GSTA2: variants seen among roughly 807,000 people sequenced by gnomAD.
GSTA2 encodes the protein glutathione S-transferase alpha 2, also known as glutathione S-transferase A2.
GSTA2 carries 27 observed loss-of-function variants against 22.4 expected under a neutral mutation model. The ratio of observed to expected loss-of-function variants is 1.21; its 90% CI spans 0.89 to 1.67. GSTA2 has a LOEUF of 1.67. Ranked by LOEUF, GSTA2 falls within the 40% of genes most tolerant of loss-of-function variation. GSTA2 has a pLI of 0.00. For synonymous variants in GSTA2, 121 were observed against 86.8 expected (o/e 1.39, Z -2.19); for missense variants, 302 against 260.2 (o/e 1.16, Z -1.11).
chr6:52,755,216 T>TC, intron 3 of GSTA2, 141 bp from the exon 4 acceptor site: 1 of 266,686 alleles, frequency 3.7e-6, no homozygotes, highest in Non-Finnish European at 5.0e-6. Flanking sequence ...TTGAAACAAC[T>TC]TTTTTTTTTT....
intron 1 of GSTA2, among the ~76,000 whole-genome samples, chr6:52,761,451 T>C (rs1488965524): frequency 3.3e-5 from 5 of 151,276 alleles, no homozygotes; most frequent in African/African-American, 9.7e-5. Context: ...TCCATTTCTC[T>C]GGTTCTCTAT....
In GSTA2 at chr6:52,750,561, C is replaced by T; in HGVS notation, c.*16G>A. 1 of 1,613,312 alleles carries T rather than the reference C, an allele frequency of 6.2e-7. No homozygotes were observed. The highest frequency in any genetic ancestry group is 8.5e-7 in the Non-Finnish European group (1 of 1,179,510). On this transcript the variant is annotated 3_prime_UTR_variant, in exon 7 of 7. Coordinates refer to ENST00000493422, the MANE Select transcript of GSTA2 (RefSeq NM_000846.5). ...AATACTGGTCTTGCATGTTCTTGACCTCTATGGCTGGTTTATTAAAACCTG... is the reference window on the plus strand; with the variant it reads ...AATACTGGTCTTGCATGTTCTTGACTTCTATGGCTGGTTTATTAAAACCTG...
chr6:52,757,003 T>C (rs2144697), intron 2 of GSTA2, among the ~76,000 whole-genome samples: 66,570 of 137,062 alleles, frequency 0.49, 18,806 homozygotes, highest in East Asian at 0.7. Context: ...CTCCCCTCAT[T>C]TTAACCACGT....
chr6:52,754,755 G>A (rs1251769992), intron 4 of GSTA2, among the ~76,000 whole-genome samples, 188 bp downstream of exon 4: 1 of 152,004 alleles, frequency 6.6e-6, no homozygotes. Flanking sequence ...AATCACCCTC[G>A]CCTGAACCCT....
intron 2 of GSTA2, among the ~76,000 whole-genome samples, chr6:52,757,552 A>T (rs1325408861): frequency 6.6e-6 from 1 of 152,100 alleles, no homozygotes; most frequent in Non-Finnish European, 1.5e-5. Context: ...CAAATATTCA[A>T]TCGATATTTG....
At position 52,750,622 on chromosome 6, in the gene GSTA2, C is replaced by CA. The variant is rs1215783807; in HGVS notation, c.623dup (p.Met208IlefsTer3). 5 of 1,613,718 alleles carry CA rather than the reference C, an allele frequency of 3.1e-6. No homozygotes were observed. In the East Asian group the frequency reaches 8.9e-5, roughly 29 times the overall value. On this transcript the variant is annotated frameshift_variant, in exon 7 of 7. Coordinates refer to ENST00000493422, the MANE Select transcript of GSTA2 (RefSeq NM_000846.5). LOFTEE classifies it low-confidence loss of function (END_TRUNC). ...TTGATTCTTCTAAAGATTTCTCATC[C>CA]ATGGGAGGCTTCCTTGGGCTGCCAG... is the stretch of plus-strand genomic sequence containing the variant.
chr6:52,762,647 C>T (rs1174115289), intron 1 of GSTA2, among the ~76,000 whole-genome samples: 3 of 152,172 alleles, frequency 2.0e-5, no homozygotes, highest in South Asian at 2.1e-4. Flanking sequence ...CAGAGACTGG[C>T]GCCAGCGCAG....
chr6:52,755,194 G>T, intron 3 of GSTA2, 119 bp from the exon 4 acceptor site: 1 of 1,301,042 alleles, frequency 7.7e-7, no homozygotes, highest in Non-Finnish European at 1.1e-6. Context: ...TTACTGCCTG[G>T]TAAGAGTTCA....
chr6:52,762,537 C>T (rs1326160626), intron 1 of GSTA2, among the ~76,000 whole-genome samples: 1 of 152,184 alleles, frequency 6.6e-6, no homozygotes, highest in African/African-American at 2.4e-5. Context: ...AGTTTGTTCA[C>T]GTTTTCCTGC....
At chr6:52,754,232 G>A (rs576704169) in intron 4 of GSTA2, among the ~76,000 whole-genome samples, 48 of 152,254 alleles carry the variant, frequency 3.2e-4, no homozygotes, top group African/African-American at 1.1e-3. Context: ...ATTGTTTGGG[G>A]ATATACTTGT....
chr6:52,755,635 AT>A (rs1466880684), intron 3 of GSTA2, among the ~76,000 whole-genome samples: 1 of 151,918 alleles, frequency 6.6e-6, no homozygotes, highest in African/African-American at 2.4e-5. Flanking sequence ...GGACTCTTGA[AT>A]TTTTTGTGTT....
chr6:52,757,837 A>T (rs1275369193), intron 2 of GSTA2, 24 bp downstream of exon 2: 3 of 1,593,068 alleles, frequency 1.9e-6, no homozygotes, highest in Non-Finnish European at 2.6e-6. Flanking sequence ...AATCTGACTT[A>T]AGATGACCTA....
At chr6:52,754,452 G>T (rs1762802940) in intron 4 of GSTA2, among the ~76,000 whole-genome samples, 1 of 152,128 alleles carries the variant, frequency 6.6e-6, no homozygotes, top group Non-Finnish European at 1.5e-5. Context: ...GCCTCTACTA[G>T]CCCTGCTCAA....
chr6:52,758,304 C>G (rs1209179567), intron 1 of GSTA2, among the ~76,000 whole-genome samples: 1 of 152,176 alleles, frequency 6.6e-6, no homozygotes, highest in Admixed American at 6.5e-5. Flanking sequence ...TTACTGAAAA[C>G]TTCCTAGTGA....
chr6:52,753,919 C>T (rs1762792690), intron 4 of GSTA2, among the ~76,000 whole-genome samples: 1 of 152,220 alleles, frequency 6.6e-6, no homozygotes, highest in South Asian at 2.1e-4. Flanking sequence ...CACTAATCTA[C>T]TTTCTACCTC....
intron 4 of GSTA2, 87 bp from the exon 5 acceptor site, chr6:52,753,082 G>A: frequency 7.5e-7 from 1 of 1,328,528 alleles, no homozygotes; most frequent in Admixed American, 2.3e-5. Context: ...AGAGTATCAG[G>A]TGATGGCAAA....
At chr6:52,759,563 GTTTTTTTTTTTTTTTTTTTTTTTTT>G (rs70977382) in intron 1 of GSTA2, among the ~76,000 whole-genome samples, 1,614 of 34,212 alleles carry the variant, frequency 0.047, 80 homozygotes, top group African/African-American at 0.13. Context: ...GTATTTATTT[GTTTTTTTTTTTTTTTTTTTTTTTTT>G]TTTTTTTTTT....
intron 5 of GSTA2, 114 bp downstream of exon 5, chr6:52,752,740 G>T (rs549884382): frequency 1.6e-4 from 206 of 1,298,830 alleles, no homozygotes; most frequent in South Asian, 3.2e-4. Context: ...GTGCTGCATT[G>T]GTGTCCAGGA....
intron 1 of GSTA2, among the ~76,000 whole-genome samples, chr6:52,763,203 A>G (rs531574641): frequency 6.6e-6 from 1 of 152,210 alleles, no homozygotes; most frequent in African/African-American, 2.4e-5. Context: ...ATTGTTTCCC[A>G]TACCTTTAAA....
Sources: allele counts gnomAD v4.1 joint callset (sites outside exome capture counted in the v4.1 genomes callset), GRCh38; gene constraint gnomAD v4.1.1; transcripts MANE v1.5; gene names NCBI Gene and HGNC (gene_info 2026-07-23, HGNC 2026-07-21).